The following CAMK2D variants were observed in gnomAD, a reference collection of about 807,000 sequenced individuals.
CAMK2D encodes calcium/calmodulin dependent protein kinase II delta.
CAMK2D carries 37 observed loss-of-function variants against 84.0 expected under a neutral mutation model. That is an observed-to-expected ratio of 0.44 (90% CI 0.34 to 0.58). The LOEUF (loss-of-function observed/expected upper bound fraction) is 0.58, where lower values mean the gene tolerates loss of function less well. CAMK2D is among the 20% of genes least tolerant of loss of function. The pLI is 0.02. For missense variants in CAMK2D, 448 were observed against 652.5 expected (o/e 0.69, Z 3.41); for synonymous variants, 202 against 212.5 (o/e 0.95, Z 0.43).
chr4:113,581,968 G>A (rs542875736), intron 4 of CAMK2D, among the ~76,000 whole-genome samples: 78 of 152,186 alleles, frequency 5.1e-4, no homozygotes, highest in Admixed American at 1.6e-3. Flanking sequence ...AGAAAGGGAC[G>A]CTGGCTCAAT....
chr4:113,540,647 C>G (rs1190720277), intron 6 of CAMK2D, among the ~76,000 whole-genome samples: 1 of 152,170 alleles, frequency 6.6e-6, no homozygotes. Flanking sequence ...ACAACAGTTT[C>G]TATGAAACAA....
intron 8 of CAMK2D, among the ~76,000 whole-genome samples, chr4:113,517,923 T>C (rs138968151): frequency 1.3e-5 from 2 of 152,284 alleles, no homozygotes; most frequent in African/African-American, 4.8e-5. Context: ...GCAACATTCA[T>C]TTAGGGCAAC....
intron 4 of CAMK2D, among the ~76,000 whole-genome samples, chr4:113,566,727 A>G (rs1057503444): frequency 2.0e-5 from 3 of 152,144 alleles, no homozygotes; most frequent in African/African-American, 7.2e-5. Flanking sequence ...CATTGTTCAC[A>G]CTGAGTGGAA....
intron 2 of CAMK2D, chr4:113,677,557 A>G: frequency 1.0e-6 from 1 of 982,128 alleles, no homozygotes; most frequent in Non-Finnish European, 1.2e-6. Flanking sequence ...ACATGAGGAT[A>G]ATCTGTCAAT....
At chr4:113,492,354 T>C (rs1041359741) in intron 16 of CAMK2D, among the ~76,000 whole-genome samples, 5 of 152,194 alleles carry the variant, frequency 3.3e-5, no homozygotes, top group Non-Finnish European at 5.9e-5. Context: ...TTTGTTCTCG[T>C]TGGTTTCAAA....
intron 4 of CAMK2D, among the ~76,000 whole-genome samples, chr4:113,594,805 G>A (rs995803872): frequency 2.0e-5 from 3 of 152,158 alleles, no homozygotes; most frequent in African/African-American, 7.2e-5. Context: ...GTGGGACGAT[G>A]ACAAAAAGTG....
intron 2 of CAMK2D, among the ~76,000 whole-genome samples, chr4:113,676,123 C>T (rs59956547): frequency 0.07 from 10,604 of 152,252 alleles, 468 homozygotes; most frequent in African/African-American, 0.12. Context: ...CCATTCAACC[C>T]ACTTTATGTA....
intron 16 of CAMK2D, among the ~76,000 whole-genome samples, chr4:113,470,696 G>A (rs980303041): frequency 2.6e-5 from 4 of 151,384 alleles, no homozygotes; most frequent in East Asian, 1.9e-4. Context: ...AGGTCCCCGC[G>A]ATGTTATGAA....
chr4:113,659,205 ACAAAC>A (rs951722769), intron 3 of CAMK2D, among the ~76,000 whole-genome samples: 6 of 152,228 alleles, frequency 3.9e-5, no homozygotes, highest in Admixed American at 1.3e-4. Flanking sequence ...AGGACCTGAT[ACAAAC>A]CAAACCAAAC....
At chr4:113,500,321 T>C (rs1590226833) in intron 16 of CAMK2D, 142 bp downstream of exon 16, 1 of 495,882 alleles carries the variant, frequency 2.0e-6, no homozygotes, top group East Asian at 3.1e-5. Context: ...CTTATAAAAA[T>C]ATTTTTTACT....
At chr4:113,557,622 G>A (rs1443401995) in intron 4 of CAMK2D, among the ~76,000 whole-genome samples, 1 of 152,226 alleles carries the variant, frequency 6.6e-6, no homozygotes, top group Admixed American at 6.5e-5. Context: ...ATTCAGGGCT[G>A]TGCAAGCTGT....
intron 16 of CAMK2D, among the ~76,000 whole-genome samples, chr4:113,483,717 T>C (rs79144272): frequency 0.062 from 9,398 of 152,170 alleles, 588 homozygotes; most frequent in East Asian, 0.21. Flanking sequence ...TATTTATTTT[T>C]TTAATGCACA....
At chr4:113,632,344 C>T (rs80151694) in intron 3 of CAMK2D, among the ~76,000 whole-genome samples, 8,887 of 152,002 alleles carry the variant, frequency 0.058, 486 homozygotes, top group East Asian at 0.19. Context: ...CTGCCTCAGC[C>T]TCCCAAGTAG....
intron 2 of CAMK2D, among the ~76,000 whole-genome samples, chr4:113,750,418 C>G (rs999293324): frequency 2.6e-5 from 4 of 152,170 alleles, no homozygotes; most frequent in African/African-American, 9.7e-5. Context: ...ACACATCAAT[C>G]TTTTCAGGAA....
chr4:113,507,307 A>G (rs1184784717), intron 13 of CAMK2D, among the ~76,000 whole-genome samples: 1 of 151,398 alleles, frequency 6.6e-6, no homozygotes, highest in Non-Finnish European at 1.5e-5. Context: ...CTGGAGTGCC[A>G]TGGCGCGATC....
chr4:113,728,862 G>C (rs2099553971), intron 2 of CAMK2D, among the ~76,000 whole-genome samples: 1 of 152,106 alleles, frequency 6.6e-6, no homozygotes, highest in African/African-American at 2.4e-5. Context: ...AGTCTGCTTA[G>C]AAAACCTTCA....
intron 3 of CAMK2D, among the ~76,000 whole-genome samples, chr4:113,658,798 T>C (rs2099214196): frequency 6.6e-6 from 1 of 152,338 alleles, no homozygotes; most frequent in East Asian, 1.9e-4. Context: ...ACTTATACAC[T>C]GAGATAAAGG....
chr4:113,553,211 A>T (rs968411968), intron 4 of CAMK2D, among the ~76,000 whole-genome samples: 2 of 152,146 alleles, frequency 1.3e-5, no homozygotes, highest in African/African-American at 4.8e-5. Flanking sequence ...AGGCCCAGAG[A>T]AGTTAAGTAA....
chr4:113,558,673 CTAT>C (rs1330572035), intron 4 of CAMK2D, among the ~76,000 whole-genome samples: 2 of 151,988 alleles, frequency 1.3e-5, no homozygotes, highest in Non-Finnish European at 2.9e-5. Flanking sequence ...ACATACACTA[CTAT>C]GTCATGTGTG....
Sources: gnomAD v4.1 joint callset for allele counts (sites outside exome capture counted in the v4.1 genomes callset) on GRCh38, gnomAD v4.1.1 for gene constraint, MANE v1.5 for transcripts, NCBI Gene and HGNC (gene_info 2026-07-23, HGNC 2026-07-21) for gene names.